TPTE2: variants seen among roughly 807,000 people sequenced by gnomAD.
The protein encoded by TPTE2 is phosphatidylinositol 3,4,5-trisphosphate 3-phosphatase TPTE2.
In TPTE2, 53 loss-of-function variants were observed where a neutral mutation model predicts 78.6. That is an observed-to-expected ratio of 0.67 (90% CI 0.54 to 0.85). The LOEUF is 0.85. TPTE2 is among the 40% of genes least tolerant of loss of function. The pLI, the probability that TPTE2 is intolerant of heterozygous loss-of-function variation, is 0.00. For synonymous variants in TPTE2, 175 were observed against 206.2 expected (o/e 0.85, Z 1.30); for missense variants, 461 against 623.0 (o/e 0.74, Z 2.77).
intron 3 of TPTE2, among the ~76,000 whole-genome samples, chr13:19,485,587 G>A (rs1880619914): frequency 6.6e-6 from 1 of 152,084 alleles, no homozygotes; most frequent in Non-Finnish European, 1.5e-5. Flanking sequence ...CAAGAGTTAG[G>A]AAGTTTTATG....
the TPTE2 span, among the ~76,000 whole-genome samples, chr13:19,548,415 T>C: frequency 4.7e-5 from 7 of 150,288 alleles, no homozygotes; most frequent in Non-Finnish European, 1.0e-4. Flanking sequence ...CTTGCCCAAA[T>C]AACAGAGCCC....
the TPTE2 span, among the ~76,000 whole-genome samples, chr13:19,546,883 T>C: frequency 3.3e-5 from 5 of 150,756 alleles, no homozygotes. Flanking sequence ...CCCCAGAGCA[T>C]AGAACAATAG....
intron 1 of TPTE2, among the ~76,000 whole-genome samples, chr13:19,528,779 G>A (rs576824666): frequency 2.0e-5 from 3 of 152,136 alleles, no homozygotes; most frequent in South Asian, 2.1e-4. Flanking sequence ...TCTCAGAGAC[G>A]GTTGGTGGCC....
intron 1 of TPTE2, among the ~76,000 whole-genome samples, chr13:19,518,916 G>C (rs1342527180): frequency 1.3e-5 from 2 of 152,188 alleles, no homozygotes; most frequent in Non-Finnish European, 2.9e-5. Context: ...AAGCCACAGA[G>C]CCAGTAATTG....
At position 19,522,451 on chromosome 13, in the gene TPTE2, G is replaced by A. The variant is rs140387770; in HGVS notation, c.-44+14145C>T. ...TGTGCCAGTTTTGCTGTCAAAAGCT[G>A]CAAAAGTTACAGCTACAGTGCATGA... On this transcript the variant is annotated intron_variant, in intron 1 of 17. Transcript: ENST00000390680. 6.9e-3 allele frequency among the ~76,000 whole-genome samples: 1,052 copies of A among 152,224 alleles called. 11 individuals are homozygous for A. The highest frequency in any genetic ancestry group is 0.024 in the African/African-American group (1,005 of 41,542).
At chr13:19,423,218 C>A in intron 19 of TPTE2, 54 bp from the exon 23 acceptor site, 3 of 1,419,088 alleles carry the variant, frequency 2.1e-6, no homozygotes, top group South Asian at 2.6e-5. Context: ...CAAAAAGCCA[C>A]GCAGTTGGGT....
the TPTE2 span, among the ~76,000 whole-genome samples, chr13:19,558,554 T>C: frequency 6.6e-6 from 1 of 152,236 alleles, no homozygotes; most frequent in African/African-American, 2.4e-5. Context: ...GAGTTGTCGA[T>C]ATTGCTAGTT....
chr13:19,461,279 T>A (rs1878869989), intron 10 of TPTE2, among the ~76,000 whole-genome samples: 2 of 152,130 alleles, frequency 1.3e-5, no homozygotes, highest in African/African-American at 4.8e-5. Context: ...GTTTCCTTCA[T>A]TCTTTAAAAA....
chr13:19,522,748 G>A (rs375816799), intron 1 of TPTE2, among the ~76,000 whole-genome samples: 6 of 149,388 alleles, frequency 4.0e-5, no homozygotes, highest in East Asian at 2.0e-4. Flanking sequence ...TCAGCCTCCC[G>A]AGTAGCTAGG....
chr13:19,499,004 C>G (rs1895846119), intron 1 of TPTE2, among the ~76,000 whole-genome samples: 1 of 151,972 alleles, frequency 6.6e-6, no homozygotes, highest in Non-Finnish European at 1.5e-5. Flanking sequence ...CAATACTAGT[C>G]TCTGATAAAA....
chr13:19,534,003 G>A (rs1171916103), intron 1 of TPTE2, among the ~76,000 whole-genome samples: 2 of 152,168 alleles, frequency 1.3e-5, no homozygotes, highest in African/African-American at 4.8e-5. Flanking sequence ...AATTGGTAAA[G>A]GTAGACCTCT....
chr13:19,526,650 G>A (rs200518618), intron 1 of TPTE2, among the ~76,000 whole-genome samples: 40 of 150,862 alleles, frequency 2.7e-4, no homozygotes, highest in East Asian at 5.9e-4. Context: ...AACAATCTGT[G>A]CATCAAACCC....
At chr13:19,506,424 T>C (rs545528904), upstream of TPTE2, among the ~76,000 whole-genome samples, 119 of 152,092 alleles carry the variant, frequency 7.8e-4, no homozygotes, top group African/African-American at 1.7e-3. Context: ...CCGCCCGCCT[T>C]GGCCTCCCAA....
At chr13:19,548,505 T>G in the TPTE2 span, among the ~76,000 whole-genome samples, 5 of 152,000 alleles carry the variant, frequency 3.3e-5, no homozygotes, top group Non-Finnish European at 7.4e-5. Flanking sequence ...CCAGATACCA[T>G]AGAGGATATG....
chr13:19,559,260 T>A, the TPTE2 span, among the ~76,000 whole-genome samples: 1 of 152,186 alleles, frequency 6.6e-6, no homozygotes, highest in African/African-American at 2.4e-5. Context: ...GTATATATAT[T>A]TTTTCTCATT....
intron 1 of TPTE2, among the ~76,000 whole-genome samples, chr13:19,494,267 T>C (rs1236140857): frequency 6.6e-6 from 1 of 152,222 alleles, no homozygotes; most frequent in African/African-American, 2.4e-5. Context: ...GGAAGTTATT[T>C]ATACACGATA....
At chr13:19,521,531 T>G (rs1262763225) in intron 1 of TPTE2, among the ~76,000 whole-genome samples, 1 of 152,018 alleles carries the variant, frequency 6.6e-6, no homozygotes, top group Non-Finnish European at 1.5e-5. Context: ...TTCTGCAAAT[T>G]TCTTCCTTTT....
chr13:19,523,810 G>A (rs1870331604), intron 1 of TPTE2, among the ~76,000 whole-genome samples: 2 of 152,160 alleles, frequency 1.3e-5, no homozygotes. Flanking sequence ...CTCGCAAAAT[G>A]TGAAGGAAGT....
At chr13:19,550,419 C>T in the TPTE2 span, among the ~76,000 whole-genome samples, 3 of 152,148 alleles carry the variant, frequency 2.0e-5, no homozygotes, top group African/African-American at 4.8e-5. Flanking sequence ...ATAATACATA[C>T]TATCCTTGTT....
Sources: gnomAD v4.1 joint callset for allele counts (sites outside exome capture counted in the v4.1 genomes callset) on GRCh38, gnomAD v4.1.1 for gene constraint, MANE v1.5 for transcripts, NCBI Gene and HGNC (gene_info 2026-07-23, HGNC 2026-07-21) for gene names.